The following GABRB2 variants were observed in gnomAD, a reference collection of about 807,000 sequenced individuals.
The protein encoded by GABRB2 is gamma-aminobutyric acid receptor subunit beta-2.
In GABRB2, 16 loss-of-function variants were observed where a neutral mutation model predicts 54.7. The ratio of observed to expected loss-of-function variants is 0.29; its 90% CI spans 0.20 to 0.44. The LOEUF is 0.44. GABRB2 is among the 20% of genes least tolerant of loss of function. The probability of loss-of-function intolerance (pLI) is 1.00; values close to 1 mark genes in which losing one functional copy is unlikely to be tolerated. For missense variants in GABRB2, 355 were observed against 644.0 expected, an observed-to-expected ratio of 0.55 and a Z score of 4.86; for synonymous variants, 244 against 233.8, an observed-to-expected ratio of 1.04 and a Z score of -0.40.
chr5:161,300,578 A>C (rs1757507899), intron 9 of GABRB2, among the ~76,000 whole-genome samples: 1 of 152,158 alleles, frequency 6.6e-6, no homozygotes, highest in African/African-American at 2.4e-5. Flanking sequence ...AACCAGGGAA[A>C]CCTGACTCAG....
At chr5:161,505,624 A>G (rs933135749) in intron 3 of GABRB2, among the ~76,000 whole-genome samples, 17 of 152,204 alleles carry the variant, frequency 1.1e-4, no homozygotes, top group Admixed American at 2.0e-4. Flanking sequence ...AGAAATGTCA[A>G]CACACTTTAA....
At chr5:161,401,722 C>CA in intron 5 of GABRB2, among the ~76,000 whole-genome samples, 1 of 152,286 alleles carries the variant, frequency 6.6e-6, no homozygotes, top group African/African-American at 2.4e-5. Context: ...ATAAAACATT[C>CA]ATGCTGGAAG....
intron 4 of GABRB2, among the ~76,000 whole-genome samples, chr5:161,451,497 TACA>T (rs1384983751): frequency 8.5e-5 from 13 of 152,254 alleles, no homozygotes; most frequent in Non-Finnish European, 1.2e-4. Context: ...GACTATAAAT[TACA>T]ACAAGACAAC....
chr5:161,304,285 C>A (rs1375997115), intron 9 of GABRB2, among the ~76,000 whole-genome samples: 2 of 152,198 alleles, frequency 1.3e-5, no homozygotes, highest in Admixed American at 6.5e-5. Context: ...CATCAAATTC[C>A]TTTTCAATTT....
intron 5 of GABRB2, among the ~76,000 whole-genome samples, chr5:161,389,296 C>T (rs1021465991): frequency 6.6e-6 from 1 of 151,968 alleles, no homozygotes; most frequent in Non-Finnish European, 1.5e-5. Flanking sequence ...TTGATCTTAG[C>T]TTGTTTACCC....
chr5:161,537,757 C>A (rs1353358144), intron 3 of GABRB2, among the ~76,000 whole-genome samples: 2 of 152,110 alleles, frequency 1.3e-5, no homozygotes, highest in Non-Finnish European at 2.9e-5. Flanking sequence ...TGGGCCCCTA[C>A]AGGCTTTGGA....
intron 4 of GABRB2, among the ~76,000 whole-genome samples, chr5:161,439,055 G>C (rs956103759): frequency 5.3e-5 from 8 of 152,122 alleles, no homozygotes; most frequent in African/African-American, 1.4e-4. Flanking sequence ...GAAGGTTATA[G>C]AACACCAAGC....
Position 161,326,474 on chromosome 5 carries a change from T to C in GABRB2, c.1085A>G (p.Tyr362Cys). Residue 362 changes from tyrosine to cysteine, a missense_variant, in exon 9 of 10, where the codon TAT (tyrosine) becomes TGT (cysteine). Tyr to Cys is a radical substitution (Grantham distance 194, BLOSUM62 -2). Coordinates refer to ENST00000393959, the MANE Select transcript of GABRB2 (RefSeq NM_001371727.1). The part of the protein sequence containing the change: ...KMRLDVNKIF[Y>C]KDIKQNGTQY... ...GGTCCCATTTTGTTTAATATCTTTA[T>C]AAAAAATCTGGAAGACAAAGTAGAG... 1 of 1,613,036 alleles carries C rather than the reference T, an allele frequency of 6.2e-7. No individual in the cohort carries two copies. The highest frequency in any genetic ancestry group is 1.1e-5 in the South Asian group (1 of 90,966).
chr5:161,327,883 A>G lies in GABRB2; in HGVS notation c.1078-1402T>C, dbSNP rs74945627. ...AAAAATAACTATAGAATTACAGTTG[A>G]AAAGAAGGGACATTCTTGATAAGAA... On this transcript the variant is annotated intron_variant, in intron 8 of 9. Coordinates refer to ENST00000393959, the MANE Select transcript of GABRB2 (RefSeq NM_001371727.1). Among the ~76,000 whole-genome samples the G allele has an allele frequency of 1.1e-3, 172 of 152,312 alleles. 2 individuals carry two copies. The East Asian group carries it at 0.017, about 15-fold the overall frequency.
chr5:161,350,011 C>A (rs949297125), intron 5 of GABRB2, among the ~76,000 whole-genome samples: 1 of 151,288 alleles, frequency 6.6e-6, no homozygotes, highest in Admixed American at 6.6e-5. Context: ...AAATAACAAA[C>A]CTTTTCATAA....
At chr5:161,395,482 A>C (rs1359037019) in intron 5 of GABRB2, among the ~76,000 whole-genome samples, 1 of 152,162 alleles carries the variant, frequency 6.6e-6, no homozygotes, top group African/African-American at 2.4e-5. Context: ...GATTAAGAAA[A>C]TAATCATCGT....
intron 9 of GABRB2, among the ~76,000 whole-genome samples, chr5:161,322,931 T>A (rs1031711027): frequency 6.6e-6 from 1 of 152,154 alleles, no homozygotes; most frequent in Non-Finnish European, 1.5e-5. Context: ...GGTGAGAAAA[T>A]ATTTTGTTAC....
intron 3 of GABRB2, among the ~76,000 whole-genome samples, chr5:161,507,565 T>C (rs912914870): frequency 4.6e-5 from 7 of 152,068 alleles, no homozygotes; most frequent in Non-Finnish European, 8.8e-5. Context: ...TAAAAATATA[T>C]GTGTGTACAC....
chr5:161,354,392 A>G (rs557196292), intron 5 of GABRB2, among the ~76,000 whole-genome samples: 40 of 152,158 alleles, frequency 2.6e-4, no homozygotes, highest in African/African-American at 9.1e-4. Context: ...GAGACTCTCT[A>G]ATATTTAAAT....
chr5:161,406,145 A>G (rs1028088515), intron 5 of GABRB2, among the ~76,000 whole-genome samples: 2 of 152,164 alleles, frequency 1.3e-5, no homozygotes, highest in Non-Finnish European at 2.9e-5. Context: ...TAATAAAACC[A>G]TGAAGGGATT....
intron 3 of GABRB2, among the ~76,000 whole-genome samples, chr5:161,507,659 G>A (rs907119976): frequency 6.6e-6 from 1 of 151,812 alleles, no homozygotes; most frequent in African/African-American, 2.4e-5. Flanking sequence ...CAATAACAAC[G>A]TGACACACAA....
chr5:161,430,891 T>A (rs1757155276), intron 4 of GABRB2, among the ~76,000 whole-genome samples: 1 of 152,152 alleles, frequency 6.6e-6, no homozygotes, highest in Non-Finnish European at 1.5e-5. Context: ...ATGCATGGTA[T>A]TGTTAAGACA....
chr5:161,322,038 A>T (rs916439855), intron 9 of GABRB2, among the ~76,000 whole-genome samples: 4 of 152,174 alleles, frequency 2.6e-5, no homozygotes, highest in Non-Finnish European at 1.5e-5. Flanking sequence ...GCAGTTAAAT[A>T]TGTAGCTTCT....
chr5:161,455,579 G>A (rs1184796783), intron 4 of GABRB2, among the ~76,000 whole-genome samples: 2 of 143,272 alleles, frequency 1.4e-5, no homozygotes, highest in African/African-American at 5.3e-5. Context: ...CATCCAGGCT[G>A]TAGCGCAGTG....
Sources: gnomAD v4.1 joint callset for allele counts (sites outside exome capture counted in the v4.1 genomes callset) on GRCh38, gnomAD v4.1.1 for gene constraint, MANE v1.5 for transcripts, NCBI Gene and HGNC (gene_info 2026-07-23, HGNC 2026-07-21) for gene names.